SLC35D1: variants seen among roughly 807,000 people sequenced by gnomAD.
SLC35D1 encodes the protein solute carrier family 35 member D1, also known as nucleotide sugar transporter SLC35D1.
Under a neutral mutation model 46.7 loss-of-function variants are expected in SLC35D1, and 31 were observed. The ratio of observed to expected loss-of-function variants is 0.66; its 90% CI spans 0.50 to 0.90. The LOEUF is 0.90. SLC35D1 is among the 40% of genes least tolerant of loss of function. The probability of loss-of-function intolerance (pLI) is 0.00; values close to 1 mark genes in which losing one functional copy is unlikely to be tolerated. For synonymous variants in SLC35D1, 195 were observed against 164.6 expected (o/e 1.18, Z -1.41); for missense variants, 397 against 426.2 (o/e 0.93, Z 0.60).
intron 7 of SLC35D1, among the ~76,000 whole-genome samples, chr1:67,046,614 T>A (rs1461181771): frequency 6.6e-6 from 1 of 152,194 alleles, no homozygotes; most frequent in Admixed American, 6.5e-5. Context: ...TATATAAAGT[T>A]GAGATCCATT....
chr1:66,988,410 T>C, the SLC35D1 span: 2 of 152,032 alleles, frequency 1.3e-5, no homozygotes, highest in Non-Finnish European at 3.0e-5. Flanking sequence ...ACAGACTGAT[T>C]TCATGTATCT....
rs534926968 is a variant in SLC35D1 at position 67,037,888 on chromosome 1, GT to G, written c.729+4347del. ...TTGAATCCTTATCTGAAAGTAAACT[GT>G]TAGGAAACTTGCTAAGGCAGAAAGA... On this transcript the variant is annotated intron_variant, in intron 8 of 11. Transcript: ENST00000235345. 5.7e-3 allele frequency among the ~76,000 whole-genome samples: 871 copies of G among 152,250 alleles called. 6 individuals are homozygous for G. The highest frequency in any genetic ancestry group is 0.02 in the African/African-American group (810 of 41,538).
chr1:67,014,670 G>GTTTTTTTTT (rs34459732), intron 10 of SLC35D1, among the ~76,000 whole-genome samples: 11 of 99,960 alleles, frequency 1.1e-4, no homozygotes, highest in Non-Finnish European at 1.3e-4. Flanking sequence ...TCAATTTTTA[G>GTTTTTTTTT]TTTTTTTTTT....
intron 11 of SLC35D1, among the ~76,000 whole-genome samples, chr1:67,006,241 T>C (rs1047757185): frequency 6.6e-6 from 1 of 152,210 alleles, no homozygotes; most frequent in African/African-American, 2.4e-5. Context: ...GAATTTGATA[T>C]GACTCTCCTA....
rs941306804 is a variant in SLC35D1, at chr1:67,001,678, A to G, written c.*2662T>C. 6.6e-6 allele frequency: 1 copy of G among 152,392 alleles called. No homozygotes were observed. Among genetic ancestry groups the G allele is most frequent in the Non-Finnish European group, 1.5e-5 (1 of 68,054 alleles). 9.4% of individuals were successfully genotyped at this position (152,392 alleles called of 1,614,324 possible). A position where few individuals can be genotyped will look rare whatever the true frequency, so the allele number is the denominator to read the frequency against. ...TGGGGCAAAAACCAGACTTTCTGGG[A>G]GGTGCCACAGTACCAGGTAAATCAC... On this transcript the variant is annotated 3_prime_UTR_variant, in exon 12 of 12. Coordinates refer to ENST00000235345, the MANE Select transcript of SLC35D1 (RefSeq NM_015139.3).
chr1:67,053,309 C>T (rs1158744062), intron 1 of SLC35D1, among the ~76,000 whole-genome samples: 1 of 150,236 alleles, frequency 6.7e-6, no homozygotes, highest in East Asian at 1.9e-4. Flanking sequence ...AAAAAACAAC[C>T]AACTTCTGCC....
chr1:66,992,400 CA>C, the SLC35D1 span, among the ~76,000 whole-genome samples: 1 of 152,194 alleles, frequency 6.6e-6, no homozygotes, highest in Non-Finnish European at 1.5e-5. Flanking sequence ...TTCTGCAGAG[CA>C]ACCGGAAGCC....
chr1:67,024,552 G>C (rs994031061), intron 8 of SLC35D1, among the ~76,000 whole-genome samples: 4 of 152,154 alleles, frequency 2.6e-5, no homozygotes, highest in African/African-American at 7.2e-5. Context: ...ACTCCAAGAT[G>C]AAAGTGTCTA....
At chr1:67,047,458 T>C (rs1421173784) in intron 6 of SLC35D1, 91 bp from the exon 7 acceptor site, 10 of 1,088,236 alleles carry the variant, frequency 9.2e-6, no homozygotes, top group African/African-American at 1.6e-5. Context: ...CAAGAACATA[T>C]TCTCATCTAG....
At chr1:67,011,693 A>C (rs1357597003) in intron 10 of SLC35D1, among the ~76,000 whole-genome samples, 1 of 152,126 alleles carries the variant, frequency 6.6e-6, no homozygotes, top group Non-Finnish European at 1.5e-5. Flanking sequence ...CATGTTGCCC[A>C]GACTGGTCTT....
At chr1:67,051,207 T>C (rs1645304774) in intron 4 of SLC35D1, among the ~76,000 whole-genome samples, 1 of 152,192 alleles carries the variant, frequency 6.6e-6, no homozygotes, top group Non-Finnish European at 1.5e-5. Context: ...AGAGATATCA[T>C]CTCGGTCATT....
chr1:66,979,811 C>T, the SLC35D1 span, among the ~76,000 whole-genome samples: 1 of 150,888 alleles, frequency 6.6e-6, no homozygotes, highest in Non-Finnish European at 1.5e-5. Context: ...GCCCAGGCTG[C>T]TGGAGTACAG....
the SLC35D1 span, among the ~76,000 whole-genome samples, chr1:66,983,952 C>G: frequency 6.6e-6 from 1 of 152,174 alleles, no homozygotes; most frequent in Non-Finnish European, 1.5e-5. Context: ...TCTTGAACTC[C>G]TGACCTCATG....
chr1:67,033,941 G>A (rs1289602569), intron 8 of SLC35D1, among the ~76,000 whole-genome samples: 2 of 152,128 alleles, frequency 1.3e-5, no homozygotes, highest in Non-Finnish European at 2.9e-5. Flanking sequence ...TGAAGAGACT[G>A]TCCCTTCCCC....
chr1:66,994,237 G>A, the SLC35D1 span, among the ~76,000 whole-genome samples: 1,435 of 152,300 alleles, frequency 9.4e-3, 14 homozygotes, highest in Non-Finnish European at 0.015. Flanking sequence ...GTGTCACATG[G>A]CCATCTTAAG....
chr1:67,033,796 C>T lies in SLC35D1; in HGVS notation c.729+8440G>A, dbSNP rs150533590. ...TGCTGGAGAGTTTCCCCAATATTTT[C>T]TTCTACTAGTTTCATACTTTGAAGT... On this transcript the variant is annotated intron_variant, in intron 8 of 11. Coordinates refer to ENST00000235345, the MANE Select transcript of SLC35D1 (RefSeq NM_015139.3). Among the ~76,000 whole-genome samples, 545 of 152,230 alleles carry T rather than the reference C, an allele frequency of 3.6e-3. 6 individuals are homozygous for T. Among genetic ancestry groups the T allele is most frequent in the African/African-American group, 0.013 (526 of 41,560 alleles).
At chr1:67,006,009 A>T (rs2755256) in intron 11 of SLC35D1, among the ~76,000 whole-genome samples, 119,653 of 151,794 alleles carry the variant, frequency 0.79, 47,532 homozygotes, top group East Asian at 0.88. Context: ...TACACTTTTT[A>T]TTGTCTTTCC....
chr1:66,991,103 GAGT>G, the SLC35D1 span, among the ~76,000 whole-genome samples: 1 of 152,140 alleles, frequency 6.6e-6, no homozygotes, highest in African/African-American at 2.4e-5. Flanking sequence ...ACTTCCATCT[GAGT>G]AGTAGTATAA....
intron 6 of SLC35D1, 34 bp downstream of exon 6, chr1:67,049,748 T>C (rs370946796): frequency 6.4e-7 from 1 of 1,569,992 alleles, no homozygotes; most frequent in Non-Finnish European, 8.8e-7. Context: ...TTATTGACAA[T>C]TTATAATGTG....
Sources: gnomAD v4.1 joint callset for allele counts (sites outside exome capture counted in the v4.1 genomes callset) on GRCh38, gnomAD v4.1.1 for gene constraint, MANE v1.5 for transcripts, NCBI Gene and HGNC (gene_info 2026-07-23, HGNC 2026-07-21) for gene names.